Variants in PCLO observed in about 807,000 individuals in gnomAD.
The protein encoded by PCLO is piccolo presynaptic cytomatrix protein.
PCLO carries 82 observed loss-of-function variants against 427.5 expected under a neutral mutation model. That is an observed-to-expected ratio of 0.19 (90% confidence interval 0.16 to 0.23). PCLO has a LOEUF of 0.23. Ranked by LOEUF, PCLO falls within the 10% of genes least tolerant of loss-of-function variation. The pLI is 1.00. For missense variants in PCLO, 6,239 were observed against 6,115.9 expected (o/e 1.02, Z -0.67); for synonymous variants, 2,357 against 2,155.4 (o/e 1.09, Z -2.59).
rs779928348 is a variant in PCLO at position 82,902,726 on chromosome 7, C to T, written c.13453G>A (p.Gly4485Arg). Reference protein sequence around the residue: ...QHQEQIIQMNGKTMHYIFPHA... With the variant: ...QHQEQIIQMNRKTMHYIFPHA... Reference sequence around the variant, plus strand: ...GGAAAGATGTAGTGCATAGTTTTCCCGTTCATCTGTATAATCTAAGACATA... The same window carrying T: ...GGAAAGATGTAGTGCATAGTTTTCCTGTTCATCTGTATAATCTAAGACATA... Residue 4485 changes from glycine to arginine, a missense_variant, in exon 9 of 25, where the codon GGG (glycine) becomes AGG (arginine). Coordinates refer to ENST00000333891, the MANE Select transcript of PCLO (RefSeq NM_033026.6). 18 of 1,586,422 alleles carry T rather than the reference C, an allele frequency of 1.1e-5. No individual in the cohort carries two copies. The highest frequency in any genetic ancestry group is 1.7e-5 in the Admixed American group (1 of 59,696).
intron 3 of PCLO, among the ~76,000 whole-genome samples, chr7:83,044,524 T>C (rs1789058217): frequency 6.6e-6 from 1 of 152,194 alleles, no homozygotes; most frequent in Non-Finnish European, 1.5e-5. Context: ...TAAATGTGTC[T>C]TTTACCATCA....
At chr7:82,877,228 G>A (rs1040315030) in intron 10 of PCLO, among the ~76,000 whole-genome samples, 89 of 152,108 alleles carry the variant, frequency 5.9e-4, no homozygotes, top group African/African-American at 2.0e-3. Context: ...ATACTGCGTT[G>A]ATATTGTCTT....
intron 3 of PCLO, among the ~76,000 whole-genome samples, chr7:83,067,609 T>C (rs1583979686): frequency 6.6e-6 from 1 of 152,192 alleles, no homozygotes; most frequent in African/African-American, 2.4e-5. Flanking sequence ...GCTGAACACA[T>C]ACTGTCATGC....
In PCLO at chr7:83,134,916, G is replaced by A. The variant is rs761143326; in HGVS notation, c.2634C>T (p.Pro878=). The change falls in exon 3 of 25, where the codon CCC becomes CCT. Residue 878 remains proline (P), a synonymous_variant. Coordinates refer to ENST00000333891, the MANE Select transcript of PCLO (RefSeq NM_033026.6). ...GGCCAGCGGTAGGTCGTGGGCCAGGGGGTGTTGGTGACCCTTTTGGCATTG... is the reference window on the plus strand; with the variant it reads ...GGCCAGCGGTAGGTCGTGGGCCAGGAGGTGTTGGTGACCCTTTTGGCATTG... ...AKPMPKGSPT[P]PGPRPTAGQT... 8 of 1,603,814 alleles carry A rather than the reference G, an allele frequency of 5.0e-6. No homozygotes were observed. Among genetic ancestry groups the A allele is most frequent in the Non-Finnish European group, 6.8e-6 (8 of 1,175,366 alleles).
At chr7:82,842,842 A>T (rs1792400914) in intron 13 of PCLO, among the ~76,000 whole-genome samples, 1 of 152,110 alleles carries the variant, frequency 6.6e-6, no homozygotes, top group Non-Finnish European at 1.5e-5. Context: ...ACAAATTAAA[A>T]CCACAATGAG....
intron 3 of PCLO, among the ~76,000 whole-genome samples, chr7:83,086,810 T>A (rs1790245488): frequency 6.6e-6 from 1 of 152,066 alleles, no homozygotes. Context: ...GTGAAAGATA[T>A]AAATGCCCAA....
intron 3 of PCLO, among the ~76,000 whole-genome samples, chr7:83,105,459 A>G (rs529572319): frequency 6.6e-6 from 1 of 152,304 alleles, no homozygotes; most frequent in East Asian, 1.9e-4. Flanking sequence ...TTACATGTTA[A>G]TCTCATCAGA....
intron 10 of PCLO, among the ~76,000 whole-genome samples, chr7:82,875,530 CA>C (rs1793348709): frequency 6.6e-6 from 1 of 151,962 alleles, no homozygotes; most frequent in Non-Finnish European, 1.5e-5. Context: ...TTATGAACAT[CA>C]GAAAACCTAT....
Position 82,950,266 on chromosome 7 carries a change from A to G in PCLO, c.10322T>C (p.Val3441Ala), listed in dbSNP as rs769966034. 3 of 1,612,976 alleles carry G rather than the reference A, an allele frequency of 1.9e-6. No homozygotes were observed. The highest frequency in any genetic ancestry group is 2.7e-5 in the African/African-American group (2 of 74,582). The change falls in exon 6 of 25, where the codon GTG (valine) becomes GCG (alanine). Residue 3441 changes from valine (V) to alanine (A), a missense_variant. Transcript: ENST00000333891. Reference sequence around the variant, plus strand: ...GTCATCCGTTTGTACACCACTGTCCACTATCTTTTTAAAACTTCGGGGATC... The same window carrying G: ...GTCATCCGTTTGTACACCACTGTCCGCTATCTTTTTAAAACTTCGGGGATC... ...TDDPRSFKKI[V>A]DSGVQTDDED... is the part of the protein sequence containing the mutation.
rs563879700 is a variant in PCLO, at chr7:82,764,931, G to A, written c.15008-3438C>T. ...CTATAATCAATAAAGTAGATCTCACGGATATGTATCAAACACTATACCCTG... is the reference window on the plus strand; with the variant it reads ...CTATAATCAATAAAGTAGATCTCACAGATATGTATCAAACACTATACCCTG... On this transcript the variant is annotated intron_variant, in intron 22 of 24. Coordinates refer to ENST00000333891, the MANE Select transcript of PCLO (RefSeq NM_033026.6). Among the ~76,000 whole-genome samples, 11 of 151,872 alleles carry A rather than the reference G, an allele frequency of 7.2e-5. No homozygotes were observed. The East Asian group carries it at 1.5e-3, about 21-fold the overall frequency.
intron 10 of PCLO, among the ~76,000 whole-genome samples, chr7:82,855,251 A>G (rs189608573): frequency 3.9e-4 from 60 of 152,288 alleles, no homozygotes; most frequent in African/African-American, 1.3e-3. Context: ...CAAGATACTT[A>G]TAAGTACTGT....
In PCLO at chr7:83,038,025, A is replaced by ATATT. The variant is rs1554382370; in HGVS notation, c.3301-71539_3301-71538insAATA. ...TATATATATATATATATATATATAT[A>ATATT]TATATTTATATATTTATATATATAT... On this transcript the variant is annotated intron_variant, in intron 3 of 24. Coordinates refer to ENST00000333891, the MANE Select transcript of PCLO (RefSeq NM_033026.6). Among the ~76,000 whole-genome samples the ATATT allele has an allele frequency of 4.1e-5, 2 of 49,098 alleles. 1 individual carries two copies. Among genetic ancestry groups the ATATT allele is most frequent in the Non-Finnish European group, 6.4e-5 (2 of 31,442 alleles). 32.2% of individuals were successfully genotyped at this position (49,098 alleles called of 152,430 possible).
chr7:83,025,403 A>G (rs1418300523), intron 3 of PCLO, among the ~76,000 whole-genome samples: 4 of 150,344 alleles, frequency 2.7e-5, no homozygotes, highest in Admixed American at 2.0e-4. Context: ...AAGTTTAGAG[A>G]AAAAAGAATA....
rs184911749 is a variant in PCLO, at chr7:82,912,116, A to C, written c.13300+2570T>G. 3.2e-4 allele frequency among the ~76,000 whole-genome samples: 48 copies of C among 152,232 alleles called. 2 individuals are homozygous for C. The highest frequency in any genetic ancestry group is 2.8e-3 in the Admixed American group (42 of 15,272). ...AGCACACAACAAATAATTTGAAAGC[A>C]ATTAAATTTGTTTTGTTCACAGGAT... On this transcript the variant is annotated intron_variant, in intron 7 of 24. Transcript: ENST00000333891.
rs1562957575 is a variant in PCLO, at chr7:83,087,800, CA to C, written c.3300+46449del. Among the ~76,000 whole-genome samples, 3 of 152,060 alleles carry C rather than the reference CA, an allele frequency of 2.0e-5. No homozygotes were observed. In the South Asian group the frequency reaches 6.2e-4, roughly 31 times the overall value. On this transcript the variant is annotated intron_variant, in intron 3 of 24. Transcript: ENST00000333891. ...ATTCTATTAAATTATGTATTATGCTCAAAAAATATATTTGCTTAATATAGTT... is the reference window on the plus strand; with the variant it reads ...ATTCTATTAAATTATGTATTATGCTCAAAAATATATTTGCTTAATATAGTT...
At chr7:82,877,864 G>T (rs1291703049) in intron 10 of PCLO, among the ~76,000 whole-genome samples, 1 of 152,042 alleles carries the variant, frequency 6.6e-6, no homozygotes, top group African/African-American at 2.4e-5. Flanking sequence ...TAGAGACAGG[G>T]TTTCTCCATG....
intron 3 of PCLO, among the ~76,000 whole-genome samples, chr7:83,044,792 T>C (rs2116230376): frequency 6.6e-6 from 1 of 152,278 alleles, no homozygotes; most frequent in African/African-American, 2.4e-5. Flanking sequence ...ATTGATTCGA[T>C]ATCTAAAATA....
At position 82,955,648 on chromosome 7, in the gene PCLO, T is replaced by C. The variant is rs1212446230; in HGVS notation, c.5305A>G (p.Thr1769Ala). The C allele has an allele frequency of 1.2e-6, 2 of 1,613,954 alleles. No individual in the cohort carries two copies. Among genetic ancestry groups the C allele is most frequent in the South Asian group, 2.2e-5 (2 of 91,080 alleles). The change falls in exon 5 of 25, where the codon ACT becomes GCT. Residue 1769 changes from threonine to alanine, a missense_variant. By Grantham distance (58) the Thr-to-Ala change is moderately conservative (BLOSUM62 0). Around this residue, in one of 5 missense-constraint regions of PCLO, gnomAD observed 4,677 missense variants for 4,468.4 expected, o/e 1.05. Transcript: ENST00000333891. ...RHRPHGPLLP[T>A]IEDSSEEEEL... ...TCTTCCTCTGAAGAATCTTCAATAGTAGGCAAAAGAGGGCCATGTGGTCTG... is the reference window on the plus strand; with the variant it reads ...TCTTCCTCTGAAGAATCTTCAATAGCAGGCAAAAGAGGGCCATGTGGTCTG...
chr7:83,028,198 C>T (rs1255411079), intron 3 of PCLO, among the ~76,000 whole-genome samples: 1 of 151,920 alleles, frequency 6.6e-6, no homozygotes, highest in African/African-American at 2.4e-5. Context: ...GATTGTATAT[C>T]TAGAAAACCC....
Sources: gnomAD v4.1 joint callset for allele counts (sites outside exome capture counted in the v4.1 genomes callset) on GRCh38, gnomAD v4.1.1 for gene constraint, gnomAD v4.1.1 regional missense constraint, MANE v1.5 for transcripts, NCBI Gene and HGNC (gene_info 2026-07-23, HGNC 2026-07-21) for gene names.